The following BEND7 variants were observed in gnomAD, a reference collection of about 807,000 sequenced individuals.
BEND7 encodes BEN domain-containing protein 7.
BEND7 carries 28 observed loss-of-function variants against 50.9 expected under a neutral mutation model. The observed-to-expected ratio is 0.55, with a 90% CI of 0.41 to 0.75. The LOEUF is 0.75. BEND7 is among the 30% of genes least tolerant of loss of function. The pLI, the probability that BEND7 is intolerant of heterozygous loss-of-function variation, is 0.00. For synonymous variants in BEND7, 170 were observed against 183.9 expected, an observed-to-expected ratio of 0.92 and a Z score of 0.61; for missense variants, 477 against 491.3, an observed-to-expected ratio of 0.97 and a Z score of 0.28.
At chr10:13,454,006 G>A (rs528686756) in intron 6 of BEND7, among the ~76,000 whole-genome samples, 2 of 152,316 alleles carry the variant, frequency 1.3e-5, no homozygotes, top group South Asian at 2.1e-4. Flanking sequence ...GGAAGAGATC[G>A]ATGTCAGTAG....
chr10:13,492,566 AAG>A, intron 5 of BEND7, 43 bp downstream of exon 5: 1 of 1,604,226 alleles, frequency 6.2e-7, no homozygotes, highest in South Asian at 1.1e-5. Flanking sequence ...AAATTCCCAA[AAG>A]TTACATAGCA....
At chr10:13,479,208 C>G (rs750378132) in intron 6 of BEND7, among the ~76,000 whole-genome samples, 1 of 151,968 alleles carries the variant, frequency 6.6e-6, no homozygotes, top group African/African-American at 2.4e-5. Flanking sequence ...GGGGTTTCAC[C>G]ATGTTGGCCA....
intron 6 of BEND7, among the ~76,000 whole-genome samples, chr10:13,454,464 C>G (rs866608428): frequency 2.0e-5 from 3 of 151,968 alleles, no homozygotes; most frequent in African/African-American, 7.3e-5. Context: ...ATCCATCAGT[C>G]AATCAGTAAT....
chr10:13,514,310 A>C (rs1281112473), intron 2 of BEND7, among the ~76,000 whole-genome samples: 1 of 152,220 alleles, frequency 6.6e-6, no homozygotes, highest in Non-Finnish European at 1.5e-5. Context: ...AAGCTGACGG[A>C]AAACCACCAC....
chr10:13,500,836 G>T (rs546449976), intron 2 of BEND7: 1 of 985,214 alleles, frequency 1.0e-6, no homozygotes, highest in South Asian at 4.7e-5. Context: ...TACCAGCACT[G>T]GAAGGGCGGA....
At chr10:13,498,050 ATATG>A (rs2077146896) in intron 3 of BEND7, among the ~76,000 whole-genome samples, 2 of 149,182 alleles carry the variant, frequency 1.3e-5, no homozygotes, top group Admixed American at 1.3e-4. Context: ...AGTCACAGTT[ATATG>A]TAATATATTT....
At chr10:13,501,433 G>A (rs1170062953) in intron 2 of BEND7, among the ~76,000 whole-genome samples, 2 of 151,026 alleles carry the variant, frequency 1.3e-5, no homozygotes, top group Non-Finnish European at 1.5e-5. Flanking sequence ...TAATATCAGA[G>A]GATGCTGATA....
chr10:13,471,300 A>G (rs548548628), intron 6 of BEND7, among the ~76,000 whole-genome samples: 103 of 152,356 alleles, frequency 6.8e-4, no homozygotes, highest in African/African-American at 2.3e-3. Context: ...TTCTAGGTTT[A>G]TAATATCAAC....
intron 6 of BEND7, among the ~76,000 whole-genome samples, chr10:13,465,872 C>A (rs1251173031): frequency 1.3e-5 from 1 of 77,966 alleles, no homozygotes; most frequent in Non-Finnish European, 2.3e-5. Context: ...CCACAGCTAT[C>A]TCTCTCTCTC....
In BEND7 at chr10:13,447,409, T is replaced by A. The variant is rs1017315847; in HGVS notation, c.1184-93A>T. On this transcript the variant is annotated intron_variant, in intron 7 of 8. Transcript: ENST00000466271. ...AGTGATGTAATTTTAAAAACTCCAG[T>A]ATACATAACTGTTTTCACCATTCTT... 12 of 1,248,798 alleles carry A rather than the reference T, an allele frequency of 9.6e-6. No homozygotes were observed. In the African/African-American group the frequency reaches 1.8e-4, roughly 19 times the overall value. 77.4% of individuals were successfully genotyped at this position (1,248,798 alleles called of 1,614,324 possible).
chr10:13,451,525 C>T (rs956478366), intron 7 of BEND7, among the ~76,000 whole-genome samples: 1 of 151,872 alleles, frequency 6.6e-6, no homozygotes, highest in Non-Finnish European at 1.5e-5. Context: ...TGAGGAACCT[C>T]CATACTGCTT....
intron 2 of BEND7, among the ~76,000 whole-genome samples, chr10:13,511,952 C>T (rs549843489): frequency 2.6e-5 from 4 of 152,248 alleles, no homozygotes; most frequent in Admixed American, 6.5e-5. Context: ...ACTATCAAGC[C>T]GGTGTCCAGG....
intron 6 of BEND7, among the ~76,000 whole-genome samples, chr10:13,460,524 T>C (rs932994222): frequency 6.6e-6 from 1 of 152,206 alleles, no homozygotes; most frequent in African/African-American, 2.4e-5. Context: ...CTCAGCCTCC[T>C]GAGTAGCTGG....
chr10:13,521,379 A>G (rs1325814545), intron 2 of BEND7, among the ~76,000 whole-genome samples: 1 of 152,210 alleles, frequency 6.6e-6, no homozygotes, highest in Non-Finnish European at 1.5e-5. Context: ...TAATGGGATA[A>G]CATTTACAAA....
intron 6 of BEND7, among the ~76,000 whole-genome samples, chr10:13,472,441 G>A (rs781193627): frequency 1.6e-4 from 24 of 151,678 alleles, no homozygotes; most frequent in Non-Finnish European, 3.2e-4. Flanking sequence ...GCTGATATCT[G>A]TCATCGCTGT....
chr10:13,468,430 C>G (rs1174375231), intron 6 of BEND7, among the ~76,000 whole-genome samples: 44 of 152,104 alleles, frequency 2.9e-4, no homozygotes, highest in Admixed American at 2.8e-3. Flanking sequence ...TGCTGGCTCA[C>G]CCGGGAGGAA....
intron 2 of BEND7, among the ~76,000 whole-genome samples, chr10:13,506,865 C>G (rs1056026355): frequency 2.0e-5 from 3 of 151,960 alleles, no homozygotes; most frequent in African/African-American, 7.3e-5. Context: ...ATGATAACCC[C>G]AAGGTTTCCA....
intron 4 of BEND7, among the ~76,000 whole-genome samples, chr10:13,496,313 T>G (rs903653431): frequency 6.6e-6 from 1 of 152,216 alleles, no homozygotes; most frequent in Non-Finnish European, 1.5e-5. Context: ...AGGAGTCACA[T>G]AAACAAAGAC....
At chr10:13,457,471 A>G (rs957751986) in intron 6 of BEND7, among the ~76,000 whole-genome samples, 5 of 152,228 alleles carry the variant, frequency 3.3e-5, no homozygotes, top group Non-Finnish European at 5.9e-5. Context: ...TGTGTCTAAG[A>G]TCTTTGAAGG....
Sources: gnomAD v4.1 joint callset for allele counts (sites outside exome capture counted in the v4.1 genomes callset) on GRCh38, gnomAD v4.1.1 for gene constraint, MANE v1.5 for transcripts, NCBI Gene and HGNC (gene_info 2026-07-23, HGNC 2026-07-21) for gene names.